PTPRD: variants seen among roughly 807,000 people sequenced by gnomAD.
PTPRD encodes the protein receptor-type tyrosine-protein phosphatase delta.
A neutral mutation model predicts 214.5 loss-of-function variants in PTPRD; 34 were observed. The observed-to-expected ratio is 0.16, with a 90% CI of 0.12 to 0.21. The LOEUF is 0.21. PTPRD is among the 10% of genes least tolerant of loss of function. The probability of loss-of-function intolerance (pLI) is 1.00; values close to 1 mark genes in which losing one functional copy is unlikely to be tolerated. For synonymous variants in PTPRD, 1,128 were observed against 845.7 expected (o/e 1.33, Z -5.79); for missense variants, 2,545 against 2,398.7 (o/e 1.06, Z -1.27).
At chr9:10,097,645 C>T (rs1406772749) in intron 3 of PTPRD, among the ~76,000 whole-genome samples, 4 of 151,466 alleles carry the variant, frequency 2.6e-5, no homozygotes, top group Admixed American at 6.6e-5. Context: ...TGGGCTGAGA[C>T]GATGGGGTTT....
chr9:8,667,725 G>A (rs1319113211), intron 12 of PTPRD, among the ~76,000 whole-genome samples: 1 of 151,908 alleles, frequency 6.6e-6, no homozygotes, highest in Non-Finnish European at 1.5e-5. Flanking sequence ...CCATCCCCAA[G>A]ATATCTCATT....
Position 8,342,056 on chromosome 9 carries a change from C to T in PTPRD, c.4662-78G>A, listed in dbSNP as rs945047335. ...ACATAATAAAAGTATTTTTATTATTCTTATTAACTAGACCTTACATCCATT... is the reference window on the plus strand; with the variant it reads ...ACATAATAAAAGTATTTTTATTATTTTTATTAACTAGACCTTACATCCATT... On this transcript the variant is annotated intron_variant, in intron 39 of 45. Transcript: ENST00000381196. 1.4e-5 allele frequency: 19 copies of T among 1,353,946 alleles called. No homozygotes were observed. In the African/African-American group the frequency reaches 2.7e-4, roughly 19 times the overall value. The allele number at this position is 1,353,946 out of a possible 1,614,324, so 83.9% of individuals were successfully genotyped here. A position where few individuals can be genotyped will look rare whatever the true frequency, so the allele number is the denominator to read the frequency against.
chr9:10,344,757 G>T (rs898899530), intron 2 of PTPRD, among the ~76,000 whole-genome samples: 3 of 152,030 alleles, frequency 2.0e-5, no homozygotes, highest in African/African-American at 7.2e-5. Context: ...TGGTAAGTTG[G>T]ATACCTAGGT....
chr9:10,492,693 G>C (rs1384443969), intron 2 of PTPRD, among the ~76,000 whole-genome samples: 3 of 152,038 alleles, frequency 2.0e-5, no homozygotes, highest in African/African-American at 7.3e-5. Context: ...ACTTTCTTTT[G>C]ATGTGCAGAA....
chr9:10,025,125 C>T (rs1036575773), intron 4 of PTPRD, among the ~76,000 whole-genome samples: 67 of 152,052 alleles, frequency 4.4e-4, no homozygotes, highest in African/African-American at 1.6e-3. Flanking sequence ...GCATGATTTA[C>T]AATCCTTTGG....
At chr9:9,720,995 G>A (rs2097927028) in intron 7 of PTPRD, among the ~76,000 whole-genome samples, 1 of 152,026 alleles carries the variant, frequency 6.6e-6, no homozygotes, top group African/African-American at 2.4e-5. Context: ...GTGTAGGGTG[G>A]GAGGAGCAAG....
At chr9:10,209,830 T>C (rs1248973337) in intron 3 of PTPRD, among the ~76,000 whole-genome samples, 1 of 152,124 alleles carries the variant, frequency 6.6e-6, no homozygotes, top group African/African-American at 2.4e-5. Flanking sequence ...AGGGAAATTT[T>C]AAAAAATGAT....
intron 12 of PTPRD, chr9:8,713,923 C>T: frequency 1.4e-6 from 1 of 718,190 alleles, no homozygotes; most frequent in Non-Finnish European, 2.3e-6. Flanking sequence ...TATCCACTGA[C>T]GCATAACTTG....
intron 10 of PTPRD, among the ~76,000 whole-genome samples, chr9:9,090,229 G>T (rs1419597821): frequency 2.6e-5 from 4 of 151,838 alleles, no homozygotes; most frequent in Non-Finnish European, 4.4e-5. Flanking sequence ...ACCCTTCTCA[G>T]CCTCTGGTAG....
intron 11 of PTPRD, among the ~76,000 whole-genome samples, chr9:8,884,516 G>A (rs1312727255): frequency 6.6e-6 from 1 of 152,196 alleles, no homozygotes; most frequent in East Asian, 1.9e-4. Flanking sequence ...GACATGGCTG[G>A]TGGAGGCCTC....
chr9:8,422,537 G>A (rs1159947693), intron 35 of PTPRD, among the ~76,000 whole-genome samples: 2 of 152,194 alleles, frequency 1.3e-5, no homozygotes, highest in Admixed American at 1.3e-4. Flanking sequence ...CCCTGAAAAT[G>A]TCTTCTCTAC....
At chr9:9,546,632 T>C (rs828832) in intron 8 of PTPRD, among the ~76,000 whole-genome samples, 53,816 of 151,518 alleles carry the variant, frequency 0.36, 9,920 homozygotes, top group African/African-American at 0.43. Context: ...ATTCTGGCAG[T>C]AATGCACAAA....
At chr9:8,693,295 T>C (rs757266650) in intron 12 of PTPRD, among the ~76,000 whole-genome samples, 11 of 152,192 alleles carry the variant, frequency 7.2e-5, no homozygotes, top group African/African-American at 7.2e-5. Flanking sequence ...TTGTCTCCTA[T>C]GGACTTGAAA....
intron 2 of PTPRD, among the ~76,000 whole-genome samples, chr9:10,604,008 G>A (rs1305003215): frequency 6.6e-6 from 1 of 151,690 alleles, no homozygotes; most frequent in Non-Finnish European, 1.5e-5. Flanking sequence ...CCCTTTAATT[G>A]TTCATAAGGC....
intron 2 of PTPRD, among the ~76,000 whole-genome samples, chr9:10,572,696 T>C (rs1307942654): frequency 1.3e-5 from 2 of 152,242 alleles, no homozygotes; most frequent in African/African-American, 2.4e-5. Context: ...ACATAGAATA[T>C]TTATTCTATG....
intron 33 of PTPRD, among the ~76,000 whole-genome samples, chr9:8,458,397 C>G (rs115308827): frequency 1.3e-5 from 2 of 151,940 alleles, no homozygotes; most frequent in Admixed American, 1.3e-4. Context: ...TATGTATATC[C>G]AAATAAAACA....
At chr9:9,453,463 T>C (rs959624198) in intron 8 of PTPRD, among the ~76,000 whole-genome samples, 8 of 151,654 alleles carry the variant, frequency 5.3e-5, no homozygotes, top group Non-Finnish European at 8.9e-5. Context: ...CACATCTGTG[T>C]CGGGGAAATA....
chr9:9,384,343 C>CTTTTTTTTTTTTTTTTTTTGTTT (rs2063210890), intron 9 of PTPRD, among the ~76,000 whole-genome samples: 1 of 33,316 alleles, frequency 3.0e-5, no homozygotes, highest in Non-Finnish European at 7.0e-5. Context: ...GAAGACTAGG[C>CTTTTTTTTTTTTTTTTTTTGTTT]TTTTTTTTTT....
Position 9,038,386 on chromosome 9 carries a change from C to T in PTPRD, c.-142-19651G>A, listed in dbSNP as rs149149236. On this transcript the variant is annotated intron_variant, in intron 10 of 45. Transcript: ENST00000381196. ...TTCTTCAGCAAAATTCCCCCCACTT[C>T]GCTGTACTTCTAAACACCCCCACAT... Among the ~76,000 whole-genome samples, 67 of 152,148 alleles carry T rather than the reference C, an allele frequency of 4.4e-4. No individual in the cohort carries two copies. The East Asian group carries it at 0.011, about 25-fold the overall frequency.
Sources: allele counts gnomAD v4.1 joint callset (sites outside exome capture counted in the v4.1 genomes callset), GRCh38; gene constraint gnomAD v4.1.1; transcripts MANE v1.5; gene names NCBI Gene and HGNC (gene_info 2026-07-23, HGNC 2026-07-21).